Variants in APP observed in about 807,000 individuals in gnomAD.
APP encodes amyloid beta precursor protein, also known as amyloid-beta precursor protein.
APP carries 31 observed loss-of-function variants against 101.4 expected under a neutral mutation model. The observed-to-expected ratio is 0.31, with a 90% CI of 0.23 to 0.41. APP has a LOEUF of 0.41. APP is among the 10% of genes least tolerant of loss of function. APP has a pLI of 1.00. For missense variants in APP, 839 were observed against 1,003.7 expected, an observed-to-expected ratio of 0.84 and a Z score of 2.22; for synonymous variants, 366 against 364.4, an observed-to-expected ratio of 1.00 and a Z score of -0.05.
intron 13 of APP, among the ~76,000 whole-genome samples, chr21:25,947,734 G>T (rs1344009766): frequency 6.6e-6 from 1 of 152,092 alleles, no homozygotes; most frequent in African/African-American, 2.4e-5. Flanking sequence ...CAGATGTGGG[G>T]GCTCACGCCT....
At position 25,955,630 on chromosome 21, in the gene APP, G is replaced by A. The variant is rs200335109; in HGVS notation, c.1584C>T (p.Ser528=). Residue 528 remains serine (S), a synonymous_variant, in exon 12 of 18, where the codon TCC becomes TCT. Coordinates refer to ENST00000346798, the MANE Select transcript of APP (RefSeq NM_000484.4). ...GATGATTATACCCCACGCTTACCTG[G>A]GACCGGATCTGAGCGGCTTTCTTGG... ...VDPKKAAQIR[S]QVMTHLRVIY... 6.2e-7 allele frequency: 1 copy of A among 1,614,054 alleles called. No homozygotes were observed. Among genetic ancestry groups the A allele is most frequent in the Non-Finnish European group, 8.5e-7 (1 of 1,179,994 alleles).
chr21:26,089,732 T>A, intron 3 of APP: 1 of 561,630 alleles, frequency 1.8e-6, no homozygotes, highest in Admixed American at 3.3e-5. Flanking sequence ...ACACCCTGGG[T>A]AAATTCATTC....
At chr21:25,997,307 C>T (rs949521808) in intron 8 of APP, 53 bp downstream of exon 8, 1 of 1,537,672 alleles carries the variant, frequency 6.5e-7, no homozygotes, top group African/African-American at 1.4e-5. Context: ...GTTATGTGAA[C>T]CAAGCAGCAT....
chr21:25,916,951 TCAC>T (rs1347545764), intron 13 of APP, among the ~76,000 whole-genome samples: 1 of 152,104 alleles, frequency 6.6e-6, no homozygotes, highest in East Asian at 1.9e-4. Context: ...ATGAACCCCA[TCAC>T]CTTGCTCTTT....
chr21:26,065,410 C>T (rs887923680), intron 3 of APP, among the ~76,000 whole-genome samples: 6 of 152,096 alleles, frequency 3.9e-5, no homozygotes, highest in African/African-American at 9.7e-5. Context: ...AACTAGACAG[C>T]GCTTGGTTTG....
At chr21:26,105,092 A>G (rs2062152940) in intron 2 of APP, among the ~76,000 whole-genome samples, 1 of 151,020 alleles carries the variant, frequency 6.6e-6, no homozygotes, top group Admixed American at 6.6e-5. Flanking sequence ...AAAAAAAAGA[A>G]GAAGAATTTG....
intron 13 of APP, among the ~76,000 whole-genome samples, chr21:25,930,869 A>G (rs1490267458): frequency 1.3e-5 from 2 of 152,166 alleles, no homozygotes; most frequent in African/African-American, 4.8e-5. Flanking sequence ...GTGTGGGGAA[A>G]CCAAGCCTGG....
intron 8 of APP, among the ~76,000 whole-genome samples, chr21:25,996,058 T>C (rs2043044255): frequency 1.3e-5 from 2 of 152,292 alleles, no homozygotes; most frequent in South Asian, 2.1e-4. Context: ...ATATCATCCC[T>C]AACCTAACAC....
intron 1 of APP, among the ~76,000 whole-genome samples, chr21:26,138,721 A>G (rs2062974473): frequency 6.6e-6 from 1 of 152,004 alleles, no homozygotes. Context: ...AAACAAAACA[A>G]AACAAAACAA....
intron 1 of APP, among the ~76,000 whole-genome samples, chr21:26,163,163 C>A (rs1300456230): frequency 7.0e-6 from 1 of 142,862 alleles, no homozygotes; most frequent in Non-Finnish European, 1.5e-5. Flanking sequence ...ATTGCTTGAA[C>A]CCGGGAGGCA....
intron 16 of APP, among the ~76,000 whole-genome samples, chr21:25,895,170 T>C (rs2146253246): frequency 7.3e-6 from 1 of 137,420 alleles, no homozygotes; most frequent in Non-Finnish European, 1.6e-5. Context: ...ATAGTGTAAA[T>C]ACAAACTTTT....
intron 11 of APP, among the ~76,000 whole-genome samples, chr21:25,958,497 T>TTG (rs2041428022): frequency 6.6e-6 from 1 of 152,178 alleles, no homozygotes; most frequent in African/African-American, 2.4e-5. Context: ...CAGGATGGTC[T>TTG]CCATCTCCTG....
intron 14 of APP, among the ~76,000 whole-genome samples, chr21:25,907,354 A>G (rs2038846705): frequency 6.6e-6 from 1 of 152,220 alleles, no homozygotes; most frequent in African/African-American, 2.4e-5. Context: ...AAAGGCAATT[A>G]TGATATCATT....
At chr21:26,007,015 ACAAT>A (rs2043559630) in intron 6 of APP, among the ~76,000 whole-genome samples, 1 of 152,164 alleles carries the variant, frequency 6.6e-6, no homozygotes, top group African/African-American at 2.4e-5. Context: ...GAAAGCAGTC[ACAAT>A]CAAACTAGTC....
At chr21:25,993,852 G>T (rs907201410) in intron 8 of APP, among the ~76,000 whole-genome samples, 2 of 151,666 alleles carry the variant, frequency 1.3e-5, no homozygotes, top group African/African-American at 4.9e-5. Flanking sequence ...GTGGGTAGGG[G>T]TCAGGGGTAC....
At chr21:25,890,883 A>G (rs946781005) in intron 17 of APP, among the ~76,000 whole-genome samples, 1 of 152,142 alleles carries the variant, frequency 6.6e-6, no homozygotes, top group Non-Finnish European at 1.5e-5. Context: ...TCAGCTCTAA[A>G]AATTCCATAA....
intron 6 of APP, among the ~76,000 whole-genome samples, chr21:26,001,882 G>A (rs2043312511): frequency 9.7e-4 from 1 of 1,028 alleles, no homozygotes; most frequent in Admixed American, 9.6e-3. Context: ...CAGGCCAGAA[G>A]CTGCTCTGTC....
chr21:26,123,279 T>C (rs960696930), intron 1 of APP, among the ~76,000 whole-genome samples: 3 of 152,336 alleles, frequency 2.0e-5, no homozygotes, highest in Admixed American at 1.3e-4. Flanking sequence ...GTTTTATTAC[T>C]AGGATTTTTG....
chr21:26,054,064 AT>A (rs2045941691), intron 3 of APP, among the ~76,000 whole-genome samples: 1 of 152,220 alleles, frequency 6.6e-6, no homozygotes, highest in Non-Finnish European at 1.5e-5. Flanking sequence ...TGTAAACTTA[AT>A]TTTTGTTTAC....
Sources: gnomAD v4.1 joint callset for allele counts (sites outside exome capture counted in the v4.1 genomes callset) on GRCh38, gnomAD v4.1.1 for gene constraint, MANE v1.5 for transcripts, NCBI Gene and HGNC (gene_info 2026-07-23, HGNC 2026-07-21) for gene names.